HS3ST2: variants seen among roughly 807,000 people sequenced by gnomAD.
HS3ST2 encodes heparan sulfate glucosamine 3-O-sulfotransferase 2.
In HS3ST2, 17 loss-of-function variants were observed where a neutral mutation model predicts 26.3. The ratio of observed to expected loss-of-function variants is 0.65; its 90% CI spans 0.44 to 0.97. The LOEUF (loss-of-function observed/expected upper bound fraction) is 0.97, where lower values mean the gene tolerates loss of function less well. Ranked by LOEUF, HS3ST2 falls within the 50% of genes least tolerant of loss-of-function variation. The pLI is 0.00. For synonymous variants in HS3ST2, 237 were observed against 219.2 expected (o/e 1.08, Z -0.72); for missense variants, 402 against 501.2 (o/e 0.80, Z 1.89).
At chr16:22,908,789 C>T (rs903032705) in intron 1 of HS3ST2, among the ~76,000 whole-genome samples, 6 of 152,194 alleles carry the variant, frequency 3.9e-5, no homozygotes, top group African/African-American at 1.2e-4. Context: ...AAGTCTCCAC[C>T]TCCCAATAGT....
At chr16:22,885,479 A>G (rs1464702619) in intron 1 of HS3ST2, among the ~76,000 whole-genome samples, 1 of 151,222 alleles carries the variant, frequency 6.6e-6, no homozygotes, top group African/African-American at 2.4e-5. Context: ...TTTTTGAGAC[A>G]GAATCTCACT....
chr16:22,853,475 G>A (rs900860189), intron 1 of HS3ST2, among the ~76,000 whole-genome samples: 1 of 152,190 alleles, frequency 6.6e-6, no homozygotes, highest in African/African-American at 2.4e-5. Flanking sequence ...ATGGGTAAAA[G>A]AGAGAATTTA....
chr16:22,881,952 TATC>T (rs1321555362), intron 1 of HS3ST2, among the ~76,000 whole-genome samples: 1 of 152,080 alleles, frequency 6.6e-6, no homozygotes, highest in Non-Finnish European at 1.5e-5. Flanking sequence ...ATTTGGCTCT[TATC>T]ATGTTTGTTT....
Position 22,827,594 on chromosome 16 carries a change from G to A in HS3ST2, c.485+12499G>A, listed in dbSNP as rs193228631. Among the ~76,000 whole-genome samples the A allele has an allele frequency of 2.0e-5, 3 of 152,132 alleles. No individual in the cohort carries two copies. In the East Asian group the frequency reaches 5.8e-4, roughly 30 times the overall value. On this transcript the variant is annotated intron_variant, in intron 1 of 1. Transcript: ENST00000261374. ...GCATGGGGCAAGGTGTGAGAGAGAG[G>A]ACTCAAGAAAGACGGCATTGGTGAT...
intron 1 of HS3ST2, among the ~76,000 whole-genome samples, chr16:22,850,313 A>G (rs1203870039): frequency 6.6e-6 from 1 of 151,824 alleles, no homozygotes; most frequent in African/African-American, 2.4e-5. Flanking sequence ...TGGGTGTAAT[A>G]CTCTCGGTAG....
At chr16:22,886,671 T>G (rs1902063599) in intron 1 of HS3ST2, among the ~76,000 whole-genome samples, 1 of 152,150 alleles carries the variant, frequency 6.6e-6, no homozygotes, top group Admixed American at 6.6e-5. Flanking sequence ...CAAAACAAAT[T>G]CAAGAACCCC....
intron 1 of HS3ST2, among the ~76,000 whole-genome samples, chr16:22,824,698 G>A (rs991758868): frequency 6.6e-6 from 1 of 152,222 alleles, no homozygotes; most frequent in East Asian, 1.9e-4. Flanking sequence ...TTTTAACTGT[G>A]TAAAAGAAGA....
chr16:22,910,747 C>T (rs1415715490), intron 1 of HS3ST2, among the ~76,000 whole-genome samples: 1 of 152,098 alleles, frequency 6.6e-6, no homozygotes, highest in Non-Finnish European at 1.5e-5. Flanking sequence ...ATCAGTCTAG[C>T]AATGAATTAG....
chr16:22,910,479 T>C (rs1902412142), intron 1 of HS3ST2, among the ~76,000 whole-genome samples: 1 of 152,208 alleles, frequency 6.6e-6, no homozygotes, highest in African/African-American at 2.4e-5. Flanking sequence ...ATCTAATATA[T>C]CCAGATTTCT....
intron 1 of HS3ST2, among the ~76,000 whole-genome samples, chr16:22,815,452 T>C (rs1900850585): frequency 1.3e-5 from 2 of 152,188 alleles, no homozygotes; most frequent in African/African-American, 4.8e-5. Flanking sequence ...GGCACCATCC[T>C]AACCCTCTGT....
At chr16:22,905,281 T>A (rs957205329) in intron 1 of HS3ST2, among the ~76,000 whole-genome samples, 1 of 152,182 alleles carries the variant, frequency 6.6e-6, no homozygotes, top group Non-Finnish European at 1.5e-5. Flanking sequence ...CTTGCTTGCA[T>A]GTGCAAGGGA....
At chr16:22,858,464 G>A (rs1901631343) in intron 1 of HS3ST2, among the ~76,000 whole-genome samples, 1 of 151,750 alleles carries the variant, frequency 6.6e-6, no homozygotes, top group Non-Finnish European at 1.5e-5. Context: ...CAATCAAGAT[G>A]TTTTATGTTC....
At chr16:22,839,727 C>T (rs2238481) in intron 1 of HS3ST2, among the ~76,000 whole-genome samples, 17,376 of 151,938 alleles carry the variant, frequency 0.11, 1,215 homozygotes, top group South Asian at 0.22. Context: ...ATGTCTTGGA[C>T]GCGTCTTACC....
chr16:22,841,897 A>G (rs1471923018), intron 1 of HS3ST2, among the ~76,000 whole-genome samples: 1 of 152,104 alleles, frequency 6.6e-6, no homozygotes, highest in Non-Finnish European at 1.5e-5. Context: ...GTTGGTGATT[A>G]TTCTCTTATA....
intron 1 of HS3ST2, among the ~76,000 whole-genome samples, chr16:22,854,455 T>C (rs1901562187): frequency 6.6e-6 from 1 of 152,124 alleles, no homozygotes; most frequent in Non-Finnish European, 1.5e-5. Context: ...TTACTTCTAT[T>C]GTACTTGTTT....
intron 1 of HS3ST2, among the ~76,000 whole-genome samples, chr16:22,829,195 G>C (rs1901133997): frequency 6.6e-6 from 1 of 152,230 alleles, no homozygotes. Flanking sequence ...CAGTGGCCAA[G>C]CTGCAGAGAG....
intron 1 of HS3ST2, among the ~76,000 whole-genome samples, chr16:22,873,996 G>C (rs1303423751): frequency 6.6e-6 from 1 of 152,186 alleles, no homozygotes; most frequent in Non-Finnish European, 1.5e-5. Context: ...AGGAGGGCAA[G>C]CGTCAGTGCA....
intron 1 of HS3ST2, among the ~76,000 whole-genome samples, chr16:22,904,653 A>G (rs1227675026): frequency 6.6e-6 from 1 of 152,226 alleles, no homozygotes; most frequent in Non-Finnish European, 1.5e-5. Context: ...AGGTTCCCTT[A>G]GCATGAAAAA....
At chr16:22,840,910 C>T (rs1006970633) in intron 1 of HS3ST2, among the ~76,000 whole-genome samples, 15 of 151,642 alleles carry the variant, frequency 9.9e-5, no homozygotes, top group East Asian at 1.9e-4. Context: ...GTGTGCTGCA[C>T]CCATTAACTC....
Sources: allele counts gnomAD v4.1 joint callset (sites outside exome capture counted in the v4.1 genomes callset), GRCh38; gene constraint gnomAD v4.1.1; transcripts MANE v1.5; gene names NCBI Gene and HGNC (gene_info 2026-07-23, HGNC 2026-07-21).